The following CNBD2 variants were observed in gnomAD, a reference collection of about 807,000 sequenced individuals.
CNBD2 encodes the protein cyclic nucleotide-binding domain-containing protein 2.
Under a neutral mutation model 63.7 loss-of-function variants are expected in CNBD2, and 64 were observed. That is an observed-to-expected ratio of 1.00 (90% CI 0.82 to 1.24). The LOEUF (loss-of-function observed/expected upper bound fraction) is 1.24, where lower values mean the gene tolerates loss of function less well. Ranked by LOEUF, CNBD2 falls within the 50% of genes most tolerant of loss-of-function variation. The pLI, the probability that CNBD2 is intolerant of heterozygous loss-of-function variation, is 0.00. For synonymous variants in CNBD2, 229 were observed against 255.4 expected, an observed-to-expected ratio of 0.90 and a Z score of 0.99; for missense variants, 691 against 713.5, an observed-to-expected ratio of 0.97 and a Z score of 0.36.
intron 8 of CNBD2, among the ~76,000 whole-genome samples, chr20:36,000,180 CTA>C: frequency 6.6e-6 from 1 of 152,152 alleles, no homozygotes; most frequent in East Asian, 1.9e-4. Context: ...TTCAGCTTTT[CTA>C]TGTCTGAAAA....
At position 36,011,116 on chromosome 20, in the gene CNBD2, TA is replaced by T. The variant is rs2057052981; in HGVS notation, c.1149-19del. The T allele has an allele frequency of 6.6e-7, 1 of 1,509,172 alleles. No individual in the cohort carries two copies. The highest frequency in any genetic ancestry group is 8.9e-7 in the Non-Finnish European group (1 of 1,122,790). 93.5% of individuals were successfully genotyped at this position (1,509,172 alleles called of 1,614,324 possible). ...CAGACTGTGTTACAGATGAGCTCTC[TA>T]ACAAGCTGTCACATTTCAGATCCAG... is the stretch of plus-strand genomic sequence containing the variant. On this transcript the variant is annotated intron_variant, in intron 9 of 11. Coordinates refer to ENST00000373973, the MANE Select transcript of CNBD2 (RefSeq NM_001365709.1).
chr20:36,002,099 T>C (rs2147298061), intron 8 of CNBD2, among the ~76,000 whole-genome samples: 1 of 152,326 alleles, frequency 6.6e-6, no homozygotes, highest in East Asian at 1.9e-4. Context: ...CACTCCAGCC[T>C]GGGCACCATT....
At chr20:35,960,693 C>G (rs951774694) in intron 2 of CNBD2, among the ~76,000 whole-genome samples, 2 of 528 alleles carry the variant, frequency 3.8e-3, no homozygotes, top group Middle Eastern at 0.25. Flanking sequence ...CCATACTCCT[C>G]TTCTCTTCCC....
intron 8 of CNBD2, among the ~76,000 whole-genome samples, chr20:35,996,657 G>A (rs1601060259): frequency 6.6e-6 from 1 of 151,984 alleles, no homozygotes; most frequent in Admixed American, 6.6e-5. Context: ...ACGGGCACAT[G>A]CCACCATGCC....
intron 10 of CNBD2, among the ~76,000 whole-genome samples, chr20:36,021,351 A>G (rs1364869220): frequency 1.3e-5 from 2 of 152,244 alleles, no homozygotes; most frequent in African/African-American, 4.8e-5. Context: ...TGGGACCTAA[A>G]AACTGGATCT....
intron 4 of CNBD2, 133 bp downstream of exon 4, chr20:35,980,755 C>T: frequency 2.7e-6 from 2 of 752,982 alleles, no homozygotes; most frequent in East Asian, 2.7e-5. Flanking sequence ...TCTGTCCATT[C>T]ACTTCAGCTC....
At chr20:36,020,193 C>T (rs990972160) in intron 10 of CNBD2, among the ~76,000 whole-genome samples, 10 of 152,174 alleles carry the variant, frequency 6.6e-5, no homozygotes, top group African/African-American at 1.9e-4. Flanking sequence ...TGCCATTCTC[C>T]TGCCTCAGCC....
At chr20:36,022,691 C>T (rs897759154) in intron 10 of CNBD2, among the ~76,000 whole-genome samples, 18 of 151,924 alleles carry the variant, frequency 1.2e-4, no homozygotes, top group South Asian at 4.1e-4. Flanking sequence ...AGTGCAGTGG[C>T]GCGATCTTGG....
intron 5 of CNBD2, among the ~76,000 whole-genome samples, chr20:35,984,382 C>T (rs982986146): frequency 6.6e-6 from 1 of 152,210 alleles, no homozygotes; most frequent in Admixed American, 6.5e-5. Flanking sequence ...ATAGTGAGGC[C>T]TCTCCAGCTT....
At position 36,011,162 on chromosome 20, in the gene CNBD2, T is replaced by C. The variant is rs149299145; in HGVS notation, c.1174T>C (p.Cys392Arg). 2.3e-5 allele frequency: 36 copies of C among 1,590,636 alleles called. No homozygotes were observed. The highest frequency in any genetic ancestry group is 2.7e-5 in the Non-Finnish European group (32 of 1,167,528). ...ATCCAGGCCTGCTCAGTCGATCAAA[T>C]GTGCCATGATCAATATCAAGCCTGG... The part of the protein sequence containing the change: ...IQSRPAQSIK[C>R]AMINIKPGEL... The change falls in exon 10 of 12, where the codon TGT becomes CGT. Residue 392 changes from cysteine (C) to arginine (R), a missense_variant. By Grantham distance (180) the Cys-to-Arg change is radical (BLOSUM62 -3). Transcript: ENST00000373973.
intron 6 of CNBD2, among the ~76,000 whole-genome samples, chr20:35,986,924 C>G (rs6119689): frequency 6.6e-6 from 1 of 152,194 alleles, no homozygotes; most frequent in African/African-American, 2.4e-5. Context: ...AGACCCAGAG[C>G]TGAGGATTTG....
chr20:36,007,970 A>G (rs2057006865), intron 8 of CNBD2, among the ~76,000 whole-genome samples: 1 of 152,150 alleles, frequency 6.6e-6, no homozygotes, highest in South Asian at 2.1e-4. Context: ...ATGGTCTGTT[A>G]ATGGAATGAA....
chr20:35,975,447 C>A (rs2056499020), intron 2 of CNBD2, among the ~76,000 whole-genome samples: 1 of 103,252 alleles, frequency 9.7e-6, no homozygotes, highest in Non-Finnish European at 2.0e-5. Context: ...ACTACAGGCG[C>A]CCGCTACCAC....
At chr20:35,968,919 C>A in intron 1 of CNBD2, 106 bp downstream of exon 1, 2 of 798,004 alleles carry the variant, frequency 2.5e-6, no homozygotes, top group Non-Finnish European at 2.1e-6. Context: ...TGAATGGTGG[C>A]CATCCTGTAC....
rs543291753 is a variant in CNBD2 at position 36,022,355 on chromosome 20, T to C, written c.1270-1247T>C. On this transcript the variant is annotated intron_variant, in intron 10 of 11. Transcript: ENST00000373973. Reference sequence around the variant, plus strand: ...CCGGAACTACAGGCACGTGCCACCATGCCTGGCTAATTTTTTGTATTTTTA... The same window carrying C: ...CCGGAACTACAGGCACGTGCCACCACGCCTGGCTAATTTTTTGTATTTTTA... Among the ~76,000 whole-genome samples the C allele has an allele frequency of 7.3e-4, 110 of 151,334 alleles. 1 individual carries two copies. The highest frequency in any genetic ancestry group is 1.4e-3 in the Non-Finnish European group (92 of 67,868).
At chr20:36,026,286 C>G (rs2057282129) in intron 11 of CNBD2, among the ~76,000 whole-genome samples, 1 of 152,162 alleles carries the variant, frequency 6.6e-6, no homozygotes, top group African/African-American at 2.4e-5. Flanking sequence ...ATCCACCCAC[C>G]TTGGCCTCCC....
intron 9 of CNBD2, 40 bp from the exon 10 acceptor site, chr20:36,011,095 CTG>C: frequency 6.9e-7 from 1 of 1,456,946 alleles, no homozygotes; most frequent in Non-Finnish European, 9.1e-7. Context: ...CAGGAGCAGA[CTG>C]TGTTACAGAT....
At chr20:36,014,318 CT>C (rs2057105655) in intron 10 of CNBD2, among the ~76,000 whole-genome samples, 1 of 150,478 alleles carries the variant, frequency 6.6e-6, no homozygotes, top group South Asian at 2.1e-4. Context: ...TGGTTGGTTT[CT>C]TTTCTTTCTT....
intron 5 of CNBD2, 76 bp from the exon 6 acceptor site, chr20:35,984,551 A>C (rs2056640659): frequency 6.7e-7 from 1 of 1,489,138 alleles, no homozygotes. Context: ...AGATGGAGGC[A>C]CGGAAGATGT....
Sources: allele counts gnomAD v4.1 joint callset (sites outside exome capture counted in the v4.1 genomes callset), GRCh38; gene constraint gnomAD v4.1.1; transcripts MANE v1.5; gene names NCBI Gene and HGNC (gene_info 2026-07-23, HGNC 2026-07-21).